The following TECPR2 variants were observed in gnomAD, a reference collection of about 807,000 sequenced individuals.
TECPR2 encodes tectonin beta-propeller repeat-containing protein 2.
Under a neutral mutation model 138.1 loss-of-function variants are expected in TECPR2, and 65 were observed. The ratio of observed to expected loss-of-function variants is 0.47; its 90% CI spans 0.39 to 0.58. The LOEUF is 0.58. Among genes scored for constraint, TECPR2 ranks in the 20% least tolerant of loss-of-function variants. TECPR2 has a pLI of 0.00. For synonymous variants in TECPR2, 746 were observed against 749.8 expected, an observed-to-expected ratio of 0.99 and a Z score of 0.08; for missense variants, 1,553 against 1,824.5, an observed-to-expected ratio of 0.85 and a Z score of 2.71.
At chr14:102,433,901 C>T (rs1889582879) in intron 8 of TECPR2, among the ~76,000 whole-genome samples, 1 of 152,160 alleles carries the variant, frequency 6.6e-6, no homozygotes, top group East Asian at 1.9e-4. Context: ...TGTTAATCCT[C>T]TCTAGCTAAG....
chr14:102,457,476 G>A (rs1264907645), intron 16 of TECPR2, among the ~76,000 whole-genome samples: 1 of 152,148 alleles, frequency 6.6e-6, no homozygotes, highest in Admixed American at 6.6e-5. Flanking sequence ...TGTGCATGGC[G>A]GCTGTCATCA....
intron 13 of TECPR2, among the ~76,000 whole-genome samples, chr14:102,447,397 C>T (rs1890011763): frequency 6.6e-6 from 1 of 152,178 alleles, no homozygotes; most frequent in Non-Finnish European, 1.5e-5. Context: ...GTGTGAACCA[C>T]CACCCTCGGC....
At chr14:102,473,471 A>T (rs1410267596) in intron 17 of TECPR2, among the ~76,000 whole-genome samples, 2 of 152,182 alleles carry the variant, frequency 1.3e-5, no homozygotes. Context: ...TTGTTCTTCG[A>T]CTTGAGCTTC....
At chr14:102,455,235 G>A (rs905348941) in intron 16 of TECPR2, among the ~76,000 whole-genome samples, 1 of 152,168 alleles carries the variant, frequency 6.6e-6, no homozygotes, top group African/African-American at 2.4e-5. Flanking sequence ...CTGTGGATGG[G>A]CAGGTTTTCA....
At position 102,452,638 on chromosome 14, in the gene TECPR2, C is replaced by T. The variant is rs372780270; in HGVS notation, c.3640+11C>T. The T allele has an allele frequency of 1.3e-4, 196 of 1,563,948 alleles. No homozygotes were observed. Among genetic ancestry groups the T allele is most frequent in the Middle Eastern group, 3.6e-4 (2 of 5,616 alleles). On this transcript the variant is annotated intron_variant, in intron 16 of 19. Transcript: ENST00000359520. Reference sequence around the variant, plus strand: ...ACCTCTCCCAGCTAGGTACGGCCACCTCGTGAGTACACCTGCCGGTGCCCT... The same window carrying T: ...ACCTCTCCCAGCTAGGTACGGCCACTTCGTGAGTACACCTGCCGGTGCCCT...
intron 5 of TECPR2, among the ~76,000 whole-genome samples, chr14:102,421,543 G>C (rs34827725): frequency 1.3e-5 from 2 of 152,178 alleles, no homozygotes; most frequent in African/African-American, 2.4e-5. Context: ...CCTGGGGGTG[G>C]CCTCTAGGGT....
chr14:102,431,503 C>T (rs565881712), intron 7 of TECPR2, among the ~76,000 whole-genome samples: 21 of 151,972 alleles, frequency 1.4e-4, no homozygotes, highest in East Asian at 5.8e-4. Flanking sequence ...CCACCATGCC[C>T]GGCTAATTTT....
At chr14:102,439,783 C>T (rs1412235463) in intron 10 of TECPR2, among the ~76,000 whole-genome samples, 3 of 152,232 alleles carry the variant, frequency 2.0e-5, no homozygotes, top group African/African-American at 2.4e-5. Flanking sequence ...AGCTGACACT[C>T]GGTGATCACT....
At chr14:102,470,371 G>A (rs926704900) in intron 17 of TECPR2, among the ~76,000 whole-genome samples, 14 of 150,952 alleles carry the variant, frequency 9.3e-5, no homozygotes, top group African/African-American at 2.9e-4. Context: ...ATGTTGGCGC[G>A]ATCTCGGCCC....
chr14:102,379,408 T>C (rs1887730487), intron 2 of TECPR2, among the ~76,000 whole-genome samples: 1 of 151,186 alleles, frequency 6.6e-6, no homozygotes, highest in Admixed American at 6.6e-5. Flanking sequence ...AGTCTTAAAA[T>C]CCATGCACAG....
At chr14:102,377,236 G>A (rs1211050433) in intron 2 of TECPR2, among the ~76,000 whole-genome samples, 7 of 152,168 alleles carry the variant, frequency 4.6e-5, no homozygotes, top group Non-Finnish European at 1.0e-4. Context: ...GCTCATTGTA[G>A]CCTCAAACTC....
chr14:102,417,176 A>G (rs1434676735), intron 5 of TECPR2, among the ~76,000 whole-genome samples: 1 of 152,204 alleles, frequency 6.6e-6, no homozygotes, highest in Non-Finnish European at 1.5e-5. Context: ...TCCCCTTCTC[A>G]GAAGGAGAGA....
chr14:102,413,365 T>C (rs1034309813), intron 4 of TECPR2, among the ~76,000 whole-genome samples: 9 of 149,328 alleles, frequency 6.0e-5, no homozygotes, highest in African/African-American at 2.2e-4. Context: ...ATATATTTCA[T>C]ATATATATAA....
intron 2 of TECPR2, among the ~76,000 whole-genome samples, chr14:102,402,857 G>A (rs961803990): frequency 1.6e-4 from 24 of 152,120 alleles, no homozygotes; most frequent in African/African-American, 4.6e-4. Context: ...TAGAATACCT[G>A]AGTAGATCTA....
In TECPR2 at chr14:102,449,519, T is replaced by C. The variant is rs1221373208; in HGVS notation, c.3076-110T>C. 24 of 1,495,044 alleles carry C rather than the reference T, an allele frequency of 1.6e-5. No individual in the cohort carries two copies. In the East Asian group the frequency reaches 5.5e-4, roughly 34 times the overall value. 92.6% of individuals were successfully genotyped at this position (1,495,044 alleles called of 1,614,324 possible). A position where few individuals can be genotyped will look rare whatever the true frequency, so the allele number is the denominator to read the frequency against. On this transcript the variant is annotated intron_variant, in intron 13 of 19. Coordinates refer to ENST00000359520, the MANE Select transcript of TECPR2 (RefSeq NM_014844.5). ...CATTTGTGTTTGGATGGTCATCTTG[T>C]TACTAGAAATGCAGAGGTGTGGACC...
chr14:102,434,745 C>T lies in TECPR2; in HGVS notation c.1928C>T (p.Pro643Leu), dbSNP rs1307864537. 3 of 1,613,612 alleles carry T rather than the reference C, an allele frequency of 1.9e-6. No homozygotes were observed. The highest frequency in any genetic ancestry group is 2.5e-6 in the Non-Finnish European group (3 of 1,180,030). The change falls in exon 9 of 20, where the codon CCC becomes CTC. Residue 643 changes from proline (P) to leucine (L), a missense_variant. Coordinates refer to ENST00000359520, the MANE Select transcript of TECPR2 (RefSeq NM_014844.5). ...IGPQSTFCEV[P>L]LLNSLTVPSS... ...CCCCAAAGCACTTTTTGTGAAGTCCCCCTCCTGAACTCACTCACTGTGCCT... is the reference window on the plus strand; with the variant it reads ...CCCCAAAGCACTTTTTGTGAAGTCCTCCTCCTGAACTCACTCACTGTGCCT...
chr14:102,414,877 T>G, intron 5 of TECPR2, 84 bp downstream of exon 5: 1 of 1,524,480 alleles, frequency 6.6e-7, no homozygotes, highest in Non-Finnish European at 8.9e-7. Context: ...GTCTCCTGTT[T>G]GCCGGAGACC....
Position 102,499,124 on chromosome 14 carries a change from G to A in TECPR2, c.*867G>A. ...CACTTCAGCTGAAACAGTAAAGCCT[G>A]ATGGGTGCAAATGGAACCTGGATGT... On this transcript the variant is annotated 3_prime_UTR_variant, in exon 20 of 20. Coordinates refer to ENST00000359520, the MANE Select transcript of TECPR2 (RefSeq NM_014844.5). 1 of 703,072 alleles carries A rather than the reference G, an allele frequency of 1.4e-6. No individual in the cohort carries two copies. The highest frequency in any genetic ancestry group is 2.7e-5 in the East Asian group (1 of 37,294). The allele number at this position is 703,072 out of a possible 1,614,324, so 43.6% of individuals were successfully genotyped here. A position where few individuals can be genotyped will look rare whatever the true frequency, so the allele number is the denominator to read the frequency against.
At chr14:102,438,247 C>G in intron 10 of TECPR2, 42 bp downstream of exon 10, 2 of 1,570,044 alleles carry the variant, frequency 1.3e-6, no homozygotes, top group East Asian at 2.2e-5. Context: ...TGCTCCCGCT[C>G]GCCGCTCCTG....
Sources: allele counts gnomAD v4.1 joint callset (sites outside exome capture counted in the v4.1 genomes callset), GRCh38; gene constraint gnomAD v4.1.1; transcripts MANE v1.5; gene names NCBI Gene and HGNC (gene_info 2026-07-23, HGNC 2026-07-21).